Variants in EBF2 observed in about 807,000 individuals in gnomAD.
EBF2 encodes transcription factor COE2.
Under a neutral mutation model 72.8 loss-of-function variants are expected in EBF2, and 21 were observed. The observed-to-expected ratio is 0.29, with a 90% CI of 0.20 to 0.42. The LOEUF (loss-of-function observed/expected upper bound fraction) is 0.42. Among genes scored for constraint, EBF2 ranks in the 10% least tolerant of loss-of-function variants. The probability of loss-of-function intolerance (pLI) is 1.00; values close to 1 mark genes in which losing one functional copy is unlikely to be tolerated. For missense variants in EBF2, 637 were observed against 731.2 expected (o/e 0.87, Z 1.49); for synonymous variants, 299 against 274.2 (o/e 1.09, Z -0.89).
intron 10 of EBF2, among the ~76,000 whole-genome samples, chr8:25,868,781 A>G (rs1802380147): frequency 6.6e-6 from 1 of 152,182 alleles, no homozygotes; most frequent in African/African-American, 2.4e-5. Context: ...TGGTCTGTAC[A>G]TACTATTTTA....
intron 6 of EBF2, among the ~76,000 whole-genome samples, chr8:26,030,881 C>A (rs1191312362): frequency 1.3e-5 from 2 of 152,310 alleles, no homozygotes; most frequent in South Asian, 4.1e-4. Context: ...ATGAAGGCGC[C>A]TAATATGAAA....
In EBF2 at chr8:25,970,793, C is replaced by A. The variant is rs552932295; in HGVS notation, c.552-62238G>T. ...TCACTCACTGCTGCTGTTCTTCTCCCTTTATGTTCTGGTATCTGCAACCTC... is the reference window on the plus strand; with the variant it reads ...TCACTCACTGCTGCTGTTCTTCTCCATTTATGTTCTGGTATCTGCAACCTC... On this transcript the variant is annotated intron_variant, in intron 6 of 15. Transcript: ENST00000520164. 5.9e-5 allele frequency among the ~76,000 whole-genome samples: 9 copies of A among 152,204 alleles called. No homozygotes were observed. The South Asian group carries it at 1.9e-3, about 32-fold the overall frequency.
chr8:25,967,989 T>C (rs866328228), intron 6 of EBF2, among the ~76,000 whole-genome samples: 2 of 152,240 alleles, frequency 1.3e-5, no homozygotes, highest in African/African-American at 2.4e-5. Flanking sequence ...CAAGAGTTTG[T>C]AGATGCATAC....
In EBF2 at chr8:25,872,013, T is replaced by C. The variant is rs542268591; in HGVS notation, c.1010-9216A>G. Reference sequence around the variant, plus strand: ...AATATTAATTTTCCCAAAGGATTAGTGCGATATAAAATTCTATATGGTTTT... The same window carrying C: ...AATATTAATTTTCCCAAAGGATTAGCGCGATATAAAATTCTATATGGTTTT... On this transcript the variant is annotated intron_variant, in intron 10 of 15. Transcript: ENST00000520164. Among the ~76,000 whole-genome samples, 3 of 151,854 alleles carry C rather than the reference T, an allele frequency of 2.0e-5. No individual in the cohort carries two copies. In the East Asian group the frequency reaches 5.8e-4, roughly 29 times the overall value.
chr8:25,985,714 G>A (rs1038875028), intron 6 of EBF2, among the ~76,000 whole-genome samples: 8 of 152,130 alleles, frequency 5.3e-5, no homozygotes, highest in Non-Finnish European at 7.4e-5. Context: ...AAGCAAGGAA[G>A]TGAGGCCAGA....
At chr8:25,915,047 A>G (rs1314663251) in intron 6 of EBF2, among the ~76,000 whole-genome samples, 1 of 152,238 alleles carries the variant, frequency 6.6e-6, no homozygotes, top group Non-Finnish European at 1.5e-5. Context: ...ATAATTAATA[A>G]TAGCCTATAT....
Position 25,861,330 on chromosome 8 carries a change from A to G in EBF2, c.1143T>C (p.Tyr381=), listed in dbSNP as rs374067189. 6.8e-6 allele frequency: 11 copies of G among 1,614,244 alleles called. No individual in the cohort carries two copies. Among genetic ancestry groups the G allele is most frequent in the South Asian group, 1.1e-5 (1 of 91,084 alleles). The stretch of plus-strand genomic sequence containing the variant: ...TCACCTGGTTATTGTGTGGTGTGCC[A>G]TAAAGAGCTTCCACTAGATCTGCAG... The part of the protein sequence containing the change: ...KRAADLVEAL[Y]GTPHNNQDII... The change falls in exon 12 of 16, where the codon TAT becomes TAC. Residue 381 remains tyrosine (Y), a synonymous_variant. Transcript: ENST00000520164.
chr8:25,873,674 A>T (rs1802475931), intron 10 of EBF2, among the ~76,000 whole-genome samples: 1 of 152,258 alleles, frequency 6.6e-6, no homozygotes, highest in Non-Finnish European at 1.5e-5. Context: ...TTAATATTTA[A>T]TTACACTTTG....
chr8:26,016,222 T>C (rs1042701089), intron 6 of EBF2, among the ~76,000 whole-genome samples: 7 of 152,338 alleles, frequency 4.6e-5, no homozygotes, highest in South Asian at 4.1e-4. Context: ...GATTCATTCA[T>C]TGTGCTCATT....
intron 7 of EBF2, among the ~76,000 whole-genome samples, chr8:25,898,495 A>G (rs566149697): frequency 1.3e-5 from 2 of 152,126 alleles, no homozygotes; most frequent in East Asian, 3.9e-4. Flanking sequence ...GAGTGTGAAG[A>G]TCATTCATCT....
At chr8:25,895,187 A>T (rs761263214) in intron 7 of EBF2, among the ~76,000 whole-genome samples, 22 of 152,366 alleles carry the variant, frequency 1.4e-4, no homozygotes, top group Non-Finnish European at 1.5e-4. Flanking sequence ...AAACTAAGTC[A>T]TGGTAAATGA....
At chr8:25,886,685 T>C in intron 10 of EBF2, 70 bp downstream of exon 10, 1 of 1,516,622 alleles carries the variant, frequency 6.6e-7, no homozygotes, top group Non-Finnish European at 8.9e-7. Context: ...GATTACAAAG[T>C]GCAGATACTG....
intron 6 of EBF2, among the ~76,000 whole-genome samples, chr8:25,913,332 T>G (rs912549835): frequency 1.3e-5 from 2 of 151,992 alleles, no homozygotes; most frequent in African/African-American, 4.8e-5. Flanking sequence ...TCCCAGCTAC[T>G]CAGGAAGCTG....
intron 6 of EBF2, among the ~76,000 whole-genome samples, chr8:25,932,890 A>T (rs920439668): frequency 3.3e-5 from 5 of 151,864 alleles, no homozygotes; most frequent in African/African-American, 1.2e-4. Context: ...ACCTGGTAAT[A>T]TTTTTTTTAA....
intron 6 of EBF2, among the ~76,000 whole-genome samples, chr8:25,969,559 T>A (rs988418562): frequency 1.3e-5 from 2 of 152,176 alleles, no homozygotes; most frequent in Non-Finnish European, 2.9e-5. Flanking sequence ...TAAACTGAGA[T>A]GGTAACAGGG....
intron 6 of EBF2, among the ~76,000 whole-genome samples, chr8:25,933,758 C>T (rs1173611965): frequency 6.6e-6 from 1 of 151,876 alleles, no homozygotes; most frequent in Non-Finnish European, 1.5e-5. Flanking sequence ...AGAATAACAT[C>T]TAATAATACC....
At chr8:25,921,312 ACTTT>A (rs1803302910) in intron 6 of EBF2, among the ~76,000 whole-genome samples, 1 of 152,138 alleles carries the variant, frequency 6.6e-6, no homozygotes, top group Non-Finnish European at 1.5e-5. Flanking sequence ...AATTTTTTTA[ACTTT>A]CTTTTTTTTT....
rs969166114 is a variant in EBF2, at chr8:26,030,570, T to TA, written c.551+2514dup. On this transcript the variant is annotated intron_variant, in intron 6 of 15. Transcript: ENST00000520164. ...TGCACATGTACCCTAAAATTTCAAT[T>TA]AAAAAAAAAAAGCCCTACAATAAGC... 7.6e-3 allele frequency among the ~76,000 whole-genome samples: 1,098 copies of TA among 145,320 alleles called. 6 individuals carry two copies. The highest frequency in any genetic ancestry group is 0.022 in the African/African-American group (857 of 39,648).
intron 6 of EBF2, among the ~76,000 whole-genome samples, chr8:25,972,772 T>TA (rs1804210797): frequency 6.6e-6 from 1 of 151,408 alleles, no homozygotes; most frequent in African/African-American, 2.4e-5. Context: ...CCACGATGTG[T>TA]AAAATCACAG....
Sources: gnomAD v4.1 joint callset for allele counts (sites outside exome capture counted in the v4.1 genomes callset) on GRCh38, gnomAD v4.1.1 for gene constraint, MANE v1.5 for transcripts, NCBI Gene and HGNC (gene_info 2026-07-23, HGNC 2026-07-21) for gene names.